The following UBN1 variants were observed in gnomAD, a reference collection of about 807,000 sequenced individuals.
UBN1 encodes ubinuclein-1.
A neutral mutation model predicts 108.5 loss-of-function variants in UBN1; 17 were observed. That is an observed-to-expected ratio of 0.16 (90% CI 0.11 to 0.24). UBN1 has a LOEUF of 0.24. Ranked by LOEUF, UBN1 falls within the 10% of genes least tolerant of loss-of-function variation. The pLI is 1.00. For synonymous variants in UBN1, 726 were observed against 564.2 expected, an observed-to-expected ratio of 1.29 and a Z score of -4.07; for missense variants, 1,595 against 1,394.4, an observed-to-expected ratio of 1.14 and a Z score of -2.29.
At position 4,859,980 on chromosome 16, in the gene UBN1, C is replaced by T. The variant is rs1200865230; in HGVS notation, c.671+12C>T. Reference sequence around the variant, plus strand: ...TTTTCCAAAGCCGGGTGAGAGGCAGCAGCTTCTTTGCTAGGATAAAGCCTG... The same window carrying T: ...TTTTCCAAAGCCGGGTGAGAGGCAGTAGCTTCTTTGCTAGGATAAAGCCTG... On this transcript the variant is annotated intron_variant, in intron 6 of 17. Transcript: ENST00000262376. The T allele has an allele frequency of 6.2e-7, 1 of 1,613,812 alleles. No individual in the cohort carries two copies. The highest frequency in any genetic ancestry group is 1.3e-5 in the African/African-American group (1 of 74,924).
At chr16:4,868,622 C>G (rs997254410) in intron 7 of UBN1, among the ~76,000 whole-genome samples, 1 of 152,224 alleles carries the variant, frequency 6.6e-6, no homozygotes, top group Non-Finnish European at 1.5e-5. Flanking sequence ...CCAGGAAGAA[C>G]TGGCAGCCCA....
At chr16:4,857,021 C>A (rs780996430) in intron 2 of UBN1, among the ~76,000 whole-genome samples, 2 of 152,108 alleles carry the variant, frequency 1.3e-5, no homozygotes, top group Admixed American at 6.5e-5. Context: ...AAACATACTT[C>A]GTACAGGAGT....
chr16:4,871,432 A>C, intron 12 of UBN1, 131 bp downstream of exon 12: 2 of 1,310,728 alleles, frequency 1.5e-6, no homozygotes, highest in Non-Finnish European at 2.0e-6. Flanking sequence ...ATCTCACCTG[A>C]GTAACTGGGG....
chr16:4,858,030 A>G lies in UBN1; in HGVS notation c.290A>G (p.Glu97Gly). 1 of 1,613,412 alleles carries G rather than the reference A, an allele frequency of 6.2e-7. No homozygotes were observed. Reference protein sequence around the residue: ...LSDPFNDEEKERHKVEALARK... With the variant: ...LSDPFNDEEKGRHKVEALARK... ...GATCCTTTCAATGACGAAGAAAAGGAAAGGCATAAAGTAGAGGCCCTTGCC... is the reference window on the plus strand; with the variant it reads ...GATCCTTTCAATGACGAAGAAAAGGGAAGGCATAAAGTAGAGGCCCTTGCC... The change falls in exon 3 of 18, where the codon GAA becomes GGA. Residue 97 changes from glutamate to glycine, a missense_variant. Around this residue, in one of 3 missense-constraint regions of UBN1, gnomAD observed 181 missense variants for 157.3 expected, o/e 1.15. Coordinates refer to ENST00000262376, the MANE Select transcript of UBN1 (RefSeq NM_001079514.3).
intron 8 of UBN1, 132 bp from the exon 9 acceptor site, chr16:4,870,080 T>G (rs932101534): frequency 2.2e-6 from 3 of 1,348,962 alleles, no homozygotes; most frequent in Non-Finnish European, 3.0e-6. Context: ...GGGCATTCAG[T>G]TACATTGTGT....
intron 8 of UBN1, 60 bp downstream of exon 8, chr16:4,868,963 A>C (rs1251051857): frequency 6.3e-7 from 1 of 1,592,480 alleles, no homozygotes; most frequent in Non-Finnish European, 8.6e-7. Context: ...AGCTTGGGGC[A>C]AGCCAGCTAG....
intron 15 of UBN1, among the ~76,000 whole-genome samples, chr16:4,876,551 A>G (rs2087895215): frequency 6.6e-6 from 1 of 150,858 alleles, no homozygotes; most frequent in Admixed American, 6.6e-5. Flanking sequence ...TTTTTGAGAC[A>G]GAGTCTGGCT....
chr16:4,870,865 CAAG>C lies in UBN1; in HGVS notation c.1453_1455del (p.Lys485del), dbSNP rs752966447. The C allele has an allele frequency of 9.9e-6, 16 of 1,613,898 alleles. No homozygotes were observed. The highest frequency in any genetic ancestry group is 1.4e-5 in the Non-Finnish European group (16 of 1,179,950). On this transcript the variant is annotated inframe_deletion, in exon 11 of 18. Coordinates refer to ENST00000262376, the MANE Select transcript of UBN1 (RefSeq NM_001079514.3). ...GTAGGATGCTGGAAGAGGAGAAAGACAAGGAGCAGAGGGACCGGATTTGTTCGG... is the reference window on the plus strand; with the variant it reads ...GTAGGATGCTGGAAGAGGAGAAAGACGAGCAGAGGGACCGGATTTGTTCGG...
Position 4,880,155 on chromosome 16 carries a change from C to T in UBN1, c.*23C>T. On this transcript the variant is annotated 3_prime_UTR_variant, in exon 18 of 18. Transcript: ENST00000262376. ...TGACCGCTTCAGAGGCAAGGCTTGC[C>T]ACTTGGGTCTGGGTGGAATCAGAAC... 2 of 1,613,656 alleles carry T rather than the reference C, an allele frequency of 1.2e-6. No homozygotes were observed.
chr16:4,850,596 T>G (rs2086512400), intron 1 of UBN1, among the ~76,000 whole-genome samples: 1 of 152,148 alleles, frequency 6.6e-6, no homozygotes, highest in Non-Finnish European at 1.5e-5. Context: ...TCTTAGTACG[T>G]GTTGGGAGAT....
At position 4,877,509 on chromosome 16, in the gene UBN1, G is replaced by C. The variant is rs373590698; in HGVS notation, c.3355+35G>C. Reference sequence around the variant, plus strand: ...CGACGGTCAGTGTGCCACGCGCACCGTGTGCCTTTGCCCTCTCCACCCCTA... The same window carrying C: ...CGACGGTCAGTGTGCCACGCGCACCCTGTGCCTTTGCCCTCTCCACCCCTA... On this transcript the variant is annotated intron_variant, in intron 17 of 17. Transcript: ENST00000262376. The surrounding 1 kb of genome is among the most constrained non-coding windows in gnomAD (Gnocchi z 4.3). The C allele has an allele frequency of 1.0e-5, 16 of 1,579,960 alleles. No individual in the cohort carries two copies. The Admixed American group carries it at 2.6e-4, about 26-fold the overall frequency.
chr16:4,859,966 C>T lies in UBN1; in HGVS notation c.669C>T (p.Ala223=). The change falls in exon 6 of 18, where the codon GCC becomes GCT. Residue 223 remains alanine, a splice_region_variant and synonymous_variant. Transcript: ENST00000262376. The part of the protein sequence containing the change: ...KKSKKSKFSK[A]GFTALNASKE... ...CGAAAAAGTCCAAGTTTTCCAAAGC[C>T]GGGTGAGAGGCAGCAGCTTCTTTGC... is the stretch of plus-strand genomic sequence containing the variant. 2 of 1,614,036 alleles carry T rather than the reference C, an allele frequency of 1.2e-6. No homozygotes were observed. Among genetic ancestry groups the T allele is most frequent in the Non-Finnish European group, 1.7e-6 (2 of 1,179,962 alleles).
intron 12 of UBN1, 141 bp from the exon 13 acceptor site, chr16:4,872,743 A>G: frequency 1.1e-6 from 1 of 942,614 alleles, no homozygotes; most frequent in African/African-American, 1.6e-5. Context: ...TGCTGGGATT[A>G]CAGGCGTGAG....
chr16:4,875,453 A>C lies in UBN1; in HGVS notation c.3024+19A>C. The C allele has an allele frequency of 6.3e-7, 1 of 1,593,486 alleles. No individual in the cohort carries two copies. The highest frequency in any genetic ancestry group is 2.2e-5 in the East Asian group (1 of 44,638). ...CTTGTCAGTGAGTATCTGTCATAGC[A>C]GCCTGCCCTGCCCCACTCACAGGGG... On this transcript the variant is annotated intron_variant, in intron 15 of 17. Coordinates refer to ENST00000262376, the MANE Select transcript of UBN1 (RefSeq NM_001079514.3).
chr16:4,866,420 G>C (rs1015669162), intron 7 of UBN1, among the ~76,000 whole-genome samples: 2 of 152,198 alleles, frequency 1.3e-5, no homozygotes, highest in Non-Finnish European at 2.9e-5. Context: ...ATCTTCATTT[G>C]TTGATTCATT....
intron 10 of UBN1, 57 bp downstream of exon 10, chr16:4,870,691 C>T (rs1048261438): frequency 2.6e-5 from 41 of 1,603,534 alleles, no homozygotes; most frequent in East Asian, 4.5e-5. Flanking sequence ...CTTCCCCTCC[C>T]GTTTCTCGGT....
intron 8 of UBN1, among the ~76,000 whole-genome samples, chr16:4,869,804 C>T (rs752424947): frequency 1.7e-4 from 26 of 152,094 alleles, no homozygotes; most frequent in Non-Finnish European, 3.2e-4. Flanking sequence ...CTTTCCCTGA[C>T]CTCATAATGG....
In UBN1 at chr16:4,877,740, C is replaced by T. The variant is rs973305520; in HGVS notation, c.3355+266C>T. The T allele has an allele frequency of 6.9e-6, 8 of 1,166,454 alleles. No individual in the cohort carries two copies. The highest frequency in any genetic ancestry group is 1.6e-5 in the African/African-American group (1 of 61,948). The allele number at this position is 1,166,454 out of a possible 1,614,324, so 72.3% of individuals were successfully genotyped here. A position where few individuals can be genotyped will look rare whatever the true frequency, so the allele number is the denominator to read the frequency against. On this transcript the variant is annotated intron_variant, in intron 17 of 17. Transcript: ENST00000262376. This position sits in a 1 kb window ranked among gnomAD's most constrained non-coding sequence, Gnocchi z 4.3. ...GAAAGTTGCGGGGGGCAGGGTGGTG[C>T]GCTTTTGTGTGCGGTGGAGGAGTTC...
At chr16:4,866,267 A>T (rs1282174493) in intron 7 of UBN1, among the ~76,000 whole-genome samples, 1 of 152,194 alleles carries the variant, frequency 6.6e-6, no homozygotes. Flanking sequence ...TTTTTCCATT[A>T]TTCGTCTGTG....
Sources: allele counts gnomAD v4.1 joint callset (sites outside exome capture counted in the v4.1 genomes callset), GRCh38; gene constraint gnomAD v4.1.1; regional missense constraint gnomAD v4.1.1; non-coding constraint Gnocchi (gnomAD v3.1); transcripts MANE v1.5; gene names NCBI Gene and HGNC (gene_info 2026-07-23, HGNC 2026-07-21).